MCTP2: variants seen among roughly 807,000 people sequenced by gnomAD.
MCTP2 encodes multiple C2 and transmembrane domain-containing protein 2.
MCTP2 carries 132 observed loss-of-function variants against 111.6 expected under a neutral mutation model. The ratio of observed to expected loss-of-function variants is 1.18; its 90% CI spans 1.03 to 1.37. MCTP2 has a LOEUF of 1.37. Among genes scored for constraint, MCTP2 ranks in the 40% most tolerant of loss-of-function variants. MCTP2 has a pLI of 0.00. For missense variants in MCTP2, 1,183 were observed against 1,067.9 expected (o/e 1.11, Z -1.50); for synonymous variants, 395 against 387.7 (o/e 1.02, Z -0.22).
chr15:94,256,441 A>C (rs1332572665), intron 1 of MCTP2, among the ~76,000 whole-genome samples: 1 of 152,224 alleles, frequency 6.6e-6, no homozygotes, highest in Non-Finnish European at 1.5e-5. Context: ...CTGTTGGATG[A>C]ATAACAACTT....
At chr15:94,352,452 G>T (rs1354602149) in intron 8 of MCTP2, among the ~76,000 whole-genome samples, 2 of 152,152 alleles carry the variant, frequency 1.3e-5, no homozygotes, top group African/African-American at 2.4e-5. Context: ...GCAGATGAAT[G>T]AATCAACATA....
intron 1 of MCTP2, among the ~76,000 whole-genome samples, chr15:94,234,495 G>C (rs2070403981): frequency 6.6e-6 from 1 of 152,154 alleles, no homozygotes; most frequent in Non-Finnish European, 1.5e-5. Context: ...GGCCCTGCTA[G>C]TGAGAAGCCC....
chr15:94,281,185 T>C (rs1024374139), intron 1 of MCTP2, among the ~76,000 whole-genome samples: 2 of 152,154 alleles, frequency 1.3e-5, no homozygotes, highest in African/African-American at 4.8e-5. Context: ...CTCCCCCTAG[T>C]ATTGTGTGGA....
intron 12 of MCTP2, among the ~76,000 whole-genome samples, chr15:94,381,513 G>C (rs1350576595): frequency 6.6e-6 from 1 of 152,158 alleles, no homozygotes; most frequent in African/African-American, 2.4e-5. Flanking sequence ...GCCACAGAAC[G>C]AGCCCACCTG....
chr15:94,344,216 C>G (rs1370327872), intron 7 of MCTP2, among the ~76,000 whole-genome samples: 1 of 152,174 alleles, frequency 6.6e-6, no homozygotes, highest in Admixed American at 6.5e-5. Flanking sequence ...TTTCTAGTTG[C>G]TGGTCAATGC....
intron 1 of MCTP2, among the ~76,000 whole-genome samples, chr15:94,242,640 A>G (rs984663970): frequency 1.5e-4 from 23 of 151,918 alleles, no homozygotes; most frequent in African/African-American, 5.6e-4. Flanking sequence ...TATTTACCCA[A>G]CTTGAGGCTG....
intron 20 of MCTP2, among the ~76,000 whole-genome samples, chr15:94,464,371 G>GTTTTAATGTTGTTTATAACATCCTCTT (rs1567765568): frequency 7.5e-6 from 1 of 133,892 alleles, no homozygotes; most frequent in African/African-American, 2.8e-5. Flanking sequence ...TCTACTTGTT[G>GTTTTAATGTTGTTTATAACATCCTCTT]ATTTAATGTT....
intron 10 of MCTP2, among the ~76,000 whole-genome samples, chr15:94,362,088 A>G (rs892161294): frequency 2.0e-5 from 3 of 152,170 alleles, no homozygotes; most frequent in African/African-American, 7.2e-5. Context: ...TGCTTGGGTA[A>G]GATCAACCAT....
intron 1 of MCTP2, among the ~76,000 whole-genome samples, chr15:94,267,679 C>T (rs71395765): frequency 0.018 from 2,701 of 152,036 alleles, 34 homozygotes; most frequent in Middle Eastern, 0.051. Flanking sequence ...AGTGTCTGTG[C>T]CAGTTTACAT....
chr15:94,472,439 A>G (rs943350919), intron 21 of MCTP2, among the ~76,000 whole-genome samples: 3 of 152,168 alleles, frequency 2.0e-5, no homozygotes, highest in Non-Finnish European at 4.4e-5. Context: ...TTGATCATCA[A>G]TTTTGAGATT....
At chr15:94,391,759 A>G (rs965162827) in intron 14 of MCTP2, among the ~76,000 whole-genome samples, 1 of 152,210 alleles carries the variant, frequency 6.6e-6, no homozygotes, top group African/African-American at 2.4e-5. Context: ...CCTGAACCCC[A>G]TGTAGTAGAC....
chr15:94,253,046 C>G (rs535043399), intron 1 of MCTP2, among the ~76,000 whole-genome samples: 3 of 152,264 alleles, frequency 2.0e-5, no homozygotes, highest in East Asian at 3.9e-4. Context: ...CTCTGCTTCC[C>G]TCAGCTGACT....
At chr15:94,243,991 GTATA>G (rs1302869104) in intron 1 of MCTP2, among the ~76,000 whole-genome samples, 3 of 144,410 alleles carry the variant, frequency 2.1e-5, no homozygotes, top group Non-Finnish European at 3.0e-5. Context: ...ATACATATGT[GTATA>G]TATTTATGCA....
At position 94,384,104 on chromosome 15, in the gene MCTP2, A is replaced by G. The variant is rs1237695544; in HGVS notation, c.1665A>G (p.Glu555=). The stretch of plus-strand genomic sequence containing the variant: ...CCGTCTACAAAAACCTCAACCCTGA[A>G]TGGAACAAAGTTTTTACATTGTAAG... ...THTVYKNLNP[E]WNKVFTFPIK... Residue 555 remains glutamate (E), a synonymous_variant, in exon 13 of 23, where the codon GAA becomes GAG. Coordinates refer to ENST00000357742, the MANE Select transcript of MCTP2 (RefSeq NM_001385001.1). 6.2e-7 allele frequency: 1 copy of G among 1,613,564 alleles called. No homozygotes were observed. The highest frequency in any genetic ancestry group is 8.5e-7 in the Non-Finnish European group (1 of 1,179,664).
chr15:94,334,447 T>A (rs2152394636), intron 4 of MCTP2, among the ~76,000 whole-genome samples: 1 of 152,286 alleles, frequency 6.6e-6, no homozygotes, highest in Non-Finnish European at 1.5e-5. Context: ...TGGAGAAATT[T>A]AATAATATAC....
chr15:94,322,378 A>G (rs897637070), intron 4 of MCTP2, among the ~76,000 whole-genome samples: 1 of 151,896 alleles, frequency 6.6e-6, no homozygotes, highest in African/African-American at 2.4e-5. Context: ...TTTTCTTCGG[A>G]TTGTTACATA....
intron 7 of MCTP2, chr15:94,343,201 C>T (rs894238454): frequency 7.2e-5 from 11 of 151,984 alleles, no homozygotes; most frequent in African/African-American, 2.4e-4. Flanking sequence ...ATTCAGCTAA[C>T]AGTGCATATT....
intron 17 of MCTP2, among the ~76,000 whole-genome samples, chr15:94,411,103 A>G (rs760566894): frequency 3.3e-5 from 5 of 152,014 alleles, no homozygotes; most frequent in Non-Finnish European, 4.4e-5. Context: ...CTCCCCTTTC[A>G]TTTGTTTCTG....
At position 94,298,434 on chromosome 15, in the gene MCTP2, G is replaced by C; in HGVS notation, c.169G>C (p.Glu57Gln). 1 of 1,614,178 alleles carries C rather than the reference G, an allele frequency of 6.2e-7. No individual in the cohort carries two copies. Among genetic ancestry groups the C allele is most frequent in the Non-Finnish European group, 8.5e-7 (1 of 1,180,012 alleles). Residue 57 changes from glutamate to glutamine, a missense_variant, in exon 2 of 23, where the codon GAG becomes CAG. Transcript: ENST00000357742. The part of the protein sequence containing the change: ...RLSLSVPDLL[E>Q]AEALAPEGRP... The stretch of plus-strand genomic sequence containing the variant: ...CAGCCTCTCTGTGCCTGATCTCCTG[G>C]AGGCTGAGGCCTTGGCCCCAGAGGG...
Sources: gnomAD v4.1 joint callset for allele counts (sites outside exome capture counted in the v4.1 genomes callset) on GRCh38, gnomAD v4.1.1 for gene constraint, MANE v1.5 for transcripts, NCBI Gene and HGNC (gene_info 2026-07-23, HGNC 2026-07-21) for gene names.